Variants in PRKG1 observed in about 807,000 individuals in gnomAD.
PRKG1 encodes protein kinase cGMP-dependent 1, also known as cGMP-dependent protein kinase 1.
In PRKG1, 35 loss-of-function variants were observed where a neutral mutation model predicts 88.1. The ratio of observed to expected loss-of-function variants is 0.40; its 90% CI spans 0.30 to 0.53. The LOEUF is 0.53. Among genes scored for constraint, PRKG1 ranks in the 20% least tolerant of loss-of-function variants. The pLI is 0.59. For missense variants in PRKG1, 540 were observed against 839.8 expected, an observed-to-expected ratio of 0.64 and a Z score of 4.41; for synonymous variants, 303 against 292.5, an observed-to-expected ratio of 1.04 and a Z score of -0.37.
intron 1 of PRKG1, among the ~76,000 whole-genome samples, chr10:51,041,111 G>A (rs1009653280): frequency 3.3e-5 from 5 of 151,854 alleles, no homozygotes; most frequent in African/African-American, 9.7e-5. Context: ...ACCACCCCAC[G>A]CCTGGAGTGA....
At chr10:52,114,142 T>C (rs1420864914) in intron 7 of PRKG1, among the ~76,000 whole-genome samples, 1 of 152,058 alleles carries the variant, frequency 6.6e-6, no homozygotes, top group African/African-American at 2.4e-5. Flanking sequence ...GTTTAGGTGG[T>C]GAAGTCAAAT....
intron 1 of PRKG1, among the ~76,000 whole-genome samples, chr10:51,093,733 T>TTA (rs1264367665): frequency 6.8e-5 from 10 of 146,746 alleles, no homozygotes; most frequent in South Asian, 4.2e-4. Flanking sequence ...TGTGTGTATT[T>TTA]TATATATATA....
chr10:52,269,023 A>G (rs952015165), intron 10 of PRKG1, among the ~76,000 whole-genome samples: 1 of 151,926 alleles, frequency 6.6e-6, no homozygotes. Flanking sequence ...ACCTGTGACT[A>G]TAAAGGCTGA....
chr10:52,166,819 G>GTATATATACA (rs1838470847), intron 9 of PRKG1, among the ~76,000 whole-genome samples: 5 of 55,314 alleles, frequency 9.0e-5, no homozygotes, highest in African/African-American at 2.7e-4. Flanking sequence ...GTATATATAT[G>GTATATATACA]TATATATATG....
chr10:51,701,609 T>G lies in PRKG1; in HGVS notation c.593-102976T>G, dbSNP rs77691472. Among the ~76,000 whole-genome samples the G allele has an allele frequency of 4.4e-3, 672 of 152,336 alleles. 2 individuals are homozygous for G. Among genetic ancestry groups the G allele is most frequent in the African/African-American group, 0.016 (650 of 41,586 alleles). ...TAAGGATAGTATCATTTAAAAAAAC[T>G]AAAGACAAATCTATTTTTCTTCCTT... On this transcript the variant is annotated intron_variant, in intron 3 of 17. Transcript: ENST00000373980.
At chr10:51,382,305 T>A (rs187002471) in intron 2 of PRKG1, among the ~76,000 whole-genome samples, 246 of 152,340 alleles carry the variant, frequency 1.6e-3, no homozygotes, top group Admixed American at 4.3e-3. Flanking sequence ...GAATTTTCTC[T>A]TTCAAAGTAG....
intron 3 of PRKG1, among the ~76,000 whole-genome samples, chr10:51,710,683 AT>A (rs965673664): frequency 1.3e-5 from 2 of 152,240 alleles, no homozygotes; most frequent in Non-Finnish European, 2.9e-5. Flanking sequence ...AACCAAGTTT[AT>A]TACTTAAATG....
intron 5 of PRKG1, among the ~76,000 whole-genome samples, chr10:52,007,916 A>T (rs2133163322): frequency 6.6e-6 from 1 of 152,248 alleles, no homozygotes; most frequent in South Asian, 2.1e-4. Context: ...AACAAAAATC[A>T]CACCAAACAC....
chr10:51,338,350 A>T (rs889681085), intron 2 of PRKG1, among the ~76,000 whole-genome samples: 6 of 152,208 alleles, frequency 3.9e-5, no homozygotes, highest in Non-Finnish European at 8.8e-5. Flanking sequence ...GCAAATCACC[A>T]TGGCACACAT....
At chr10:51,336,025 A>G (rs1841867202) in intron 2 of PRKG1, among the ~76,000 whole-genome samples, 1 of 152,224 alleles carries the variant, frequency 6.6e-6, no homozygotes, top group Admixed American at 6.5e-5. Flanking sequence ...AAAAAGTAGG[A>G]AAGAATGTTA....
chr10:52,107,548 T>C (rs906404421), intron 7 of PRKG1, among the ~76,000 whole-genome samples: 1 of 152,202 alleles, frequency 6.6e-6, no homozygotes, highest in African/African-American at 2.4e-5. Flanking sequence ...TGCACAACAT[T>C]ATTACACGTT....
intron 12 of PRKG1, among the ~76,000 whole-genome samples, chr10:52,275,364 T>C (rs952312071): frequency 1.3e-5 from 2 of 152,196 alleles, no homozygotes; most frequent in Admixed American, 1.3e-4. Context: ...TTGTACAAGG[T>C]GAGAGATGAG....
intron 5 of PRKG1, among the ~76,000 whole-genome samples, chr10:51,926,913 A>G (rs1451580425): frequency 6.6e-6 from 1 of 152,036 alleles, no homozygotes; most frequent in Non-Finnish European, 1.5e-5. Flanking sequence ...CCAATTTTAT[A>G]TTTATAAAAC....
rs889316217 is a variant in PRKG1, at chr10:51,840,329, A to T, written c.698+35639A>T. Among the ~76,000 whole-genome samples, 3 of 151,802 alleles carry T rather than the reference A, an allele frequency of 2.0e-5. 1 individual carries two copies. Among genetic ancestry groups the T allele is most frequent in the Admixed American group, 2.0e-4 (3 of 15,244 alleles). The stretch of plus-strand genomic sequence containing the variant: ...TTGCTTAGCTAACATTTCATTTTTT[A>T]AAAGATTTGTTGTGTTCTTAGAGGT... On this transcript the variant is annotated intron_variant, in intron 4 of 17. Coordinates refer to ENST00000373980, the MANE Select transcript of PRKG1 (RefSeq NM_006258.4).
intron 4 of PRKG1, among the ~76,000 whole-genome samples, chr10:51,845,713 T>G (rs1840380171): frequency 6.6e-6 from 1 of 152,116 alleles, no homozygotes; most frequent in Non-Finnish European, 1.5e-5. Flanking sequence ...CGGTATAATC[T>G]CCCTTCTTAT....
At chr10:51,267,223 G>T (rs1205924809) in intron 2 of PRKG1, among the ~76,000 whole-genome samples, 3 of 152,046 alleles carry the variant, frequency 2.0e-5, no homozygotes, top group African/African-American at 4.8e-5. Context: ...ATGATCACAC[G>T]TAATTACATA....
intron 1 of PRKG1, among the ~76,000 whole-genome samples, chr10:51,098,941 C>T (rs528657151): frequency 1.3e-5 from 2 of 152,284 alleles, no homozygotes; most frequent in East Asian, 3.9e-4. Context: ...CCAGAGCAAA[C>T]CTTGCAGTTT....
At chr10:51,033,116 T>A (rs1168843694) in intron 1 of PRKG1, among the ~76,000 whole-genome samples, 1 of 152,144 alleles carries the variant, frequency 6.6e-6, no homozygotes, top group Non-Finnish European at 1.5e-5. Flanking sequence ...AAAGCTTATA[T>A]TCCCTTATCT....
chr10:52,011,879 T>C (rs1005643922), intron 5 of PRKG1, among the ~76,000 whole-genome samples: 1 of 152,184 alleles, frequency 6.6e-6, no homozygotes, highest in Non-Finnish European at 1.5e-5. Context: ...TCATGATATC[T>C]GATGGTTGTA....
Sources: gnomAD v4.1 joint callset for allele counts (sites outside exome capture counted in the v4.1 genomes callset) on GRCh38, gnomAD v4.1.1 for gene constraint, MANE v1.5 for transcripts, NCBI Gene and HGNC (gene_info 2026-07-23, HGNC 2026-07-21) for gene names.